Variants in POFUT1 observed in about 807,000 individuals in gnomAD.
POFUT1 encodes protein O-fucosyltransferase 1, also known as GDP-fucose protein O-fucosyltransferase 1.
POFUT1 carries 16 observed loss-of-function variants against 42.4 expected under a neutral mutation model. The observed-to-expected ratio is 0.38, with a 90% CI of 0.26 to 0.57. The LOEUF (loss-of-function observed/expected upper bound fraction) is 0.57, where lower values mean the gene tolerates loss of function less well. Ranked by LOEUF, POFUT1 falls within the 20% of genes least tolerant of loss-of-function variation. POFUT1 has a pLI of 0.71. For synonymous variants in POFUT1, 206 were observed against 205.4 expected (o/e 1.00, Z -0.03); for missense variants, 470 against 504.6 (o/e 0.93, Z 0.66).
chr20:32,220,379 C>G (rs1174969483), intron 4 of POFUT1, among the ~76,000 whole-genome samples: 2 of 152,158 alleles, frequency 1.3e-5, no homozygotes, highest in African/African-American at 2.4e-5. Context: ...AATTATCCTG[C>G]CTTGGCCTCC....
chr20:32,224,750 TCA>T (rs763385083), intron 4 of POFUT1, among the ~76,000 whole-genome samples: 1 of 152,198 alleles, frequency 6.6e-6, no homozygotes, highest in Non-Finnish European at 1.5e-5. Context: ...GGCATGTCTG[TCA>T]CAGCACTGTT....
At chr20:32,213,214 G>T (rs1018109370) in intron 2 of POFUT1, among the ~76,000 whole-genome samples, 1 of 152,106 alleles carries the variant, frequency 6.6e-6, no homozygotes. Flanking sequence ...AGAAAAATAT[G>T]CCAGGCGCAG....
In POFUT1 at chr20:32,217,597, G is replaced by T. The variant is rs548474548; in HGVS notation, c.542+876G>T. ...CCTGCACTCCAGCCCAGGTTACAGA[G>T]CAAGGGCCTGTCTCAGCAAAACAAA... is the stretch of plus-strand genomic sequence containing the variant. On this transcript the variant is annotated intron_variant, in intron 4 of 6. Transcript: ENST00000375749. 49 of 986,080 alleles carry T rather than the reference G, an allele frequency of 5.0e-5. No homozygotes were observed. In the African/African-American group the frequency reaches 6.8e-4, roughly 14 times the overall value. The allele number at this position is 986,080 out of a possible 1,614,324, so 61.1% of individuals were successfully genotyped here. A position where few individuals can be genotyped will look rare whatever the true frequency, so the allele number is the denominator to read the frequency against.
At chr20:32,230,563 C>T (rs574612403) in intron 5 of POFUT1, among the ~76,000 whole-genome samples, 24 of 144,944 alleles carry the variant, frequency 1.7e-4, no homozygotes, top group Non-Finnish European at 2.9e-4. Context: ...GGCATGGTGG[C>T]GGGTGCCTGT....
rs769999612 is a variant in POFUT1 at position 32,228,388 on chromosome 20, A to G, written c.668A>G (p.Glu223Gly). The change falls in exon 5 of 7, where the codon GAG (glutamate) becomes GGG (glycine). Residue 223 changes from glutamate (E) to glycine (G), a missense_variant. Coordinates refer to ENST00000375749, the MANE Select transcript of POFUT1 (RefSeq NM_015352.2). ...VWSDEMVKTG[E>G]AQIHAHLVRP... Reference sequence around the variant, plus strand: ...TCAGACGAAATGGTGAAGACGGGAGAGGCCCAGATTCATGCCCACCTTGTC... The same window carrying G: ...TCAGACGAAATGGTGAAGACGGGAGGGGCCCAGATTCATGCCCACCTTGTC... The G allele has an allele frequency of 6.2e-6, 10 of 1,614,116 alleles. No homozygotes were observed. The highest frequency in any genetic ancestry group is 6.8e-6 in the Non-Finnish European group (8 of 1,180,042).
Position 32,237,942 on chromosome 20 carries a change from T to C in POFUT1, c.*3281T>C. On this transcript the variant is annotated 3_prime_UTR_variant, in exon 7 of 7. Transcript: ENST00000375749. ...TCAGTCTTTTTCAAAGATACAAATATTTACATAGTTTTAATCATGTAATAT... is the reference window on the plus strand; with the variant it reads ...TCAGTCTTTTTCAAAGATACAAATACTTACATAGTTTTAATCATGTAATAT... The C allele has an allele frequency of 2.3e-6, 1 of 440,444 alleles. No individual in the cohort carries two copies. The allele number at this position is 440,444 out of a possible 1,614,324, so 27.3% of individuals were successfully genotyped here.
intron 2 of POFUT1, among the ~76,000 whole-genome samples, chr20:32,214,817 A>T (rs1211621769): frequency 1.3e-5 from 2 of 152,182 alleles, no homozygotes; most frequent in East Asian, 3.9e-4. Context: ...TAGCCTGTCT[A>T]TCCTAGCTTT....
At chr20:32,225,272 C>T (rs1310062615) in intron 4 of POFUT1, among the ~76,000 whole-genome samples, 1 of 151,996 alleles carries the variant, frequency 6.6e-6, no homozygotes, top group African/African-American at 2.4e-5. Context: ...TCACTGCAAG[C>T]TCTGTCTCAC....
intron 6 of POFUT1, chr20:32,231,475 A>G (rs1047637020): frequency 7.4e-6 from 2 of 270,684 alleles, no homozygotes; most frequent in Admixed American, 4.9e-5. Context: ...ACCCTGCCTT[A>G]CCATCACCAG....
chr20:32,216,721 G>A lies in POFUT1; in HGVS notation c.542G>A (p.Arg181Lys). Residue 181 changes from arginine (R) to lysine (K), a missense_variant and splice_region_variant, in exon 4 of 7, where the codon AGA becomes AAA. Physicochemically the swap from Arg to Lys is conservative, Grantham distance 26. Transcript: ENST00000375749. ...SASYREQWSQ[R>K]FSPKEHPVLA... is the part of the protein sequence containing the mutation. ...TCCTACAGAGAACAATGGAGCCAGA[G>A]GTACTTGGAGGGGGTAGCGTTTCTG... 1.3e-6 allele frequency: 2 copies of A among 1,594,610 alleles called. No individual in the cohort carries two copies. Among genetic ancestry groups the A allele is most frequent in the Non-Finnish European group, 1.7e-6 (2 of 1,162,258 alleles).
chr20:32,215,369 A>T lies in POFUT1; in HGVS notation c.347A>T (p.His116Leu). The change falls in exon 3 of 7, where the codon CAC becomes CTC. Residue 116 changes from histidine to leucine, a missense_variant. Coordinates refer to ENST00000375749, the MANE Select transcript of POFUT1 (RefSeq NM_015352.2). ...EDFMEKLAPT[H>L]WPPEKRVAYC... ...TTCATGGAGAAGCTGGCACCCACCC[A>T]CTGGCCCCCTGAGAAGCGGGTGGCA... 3 of 1,613,982 alleles carry T rather than the reference A, an allele frequency of 1.9e-6. No individual in the cohort carries two copies. The highest frequency in any genetic ancestry group is 1.1e-5 in the South Asian group (1 of 91,070).
intron 6 of POFUT1, 109 bp from the exon 7 acceptor site, chr20:32,234,364 C>T (rs933581222): frequency 8.8e-6 from 9 of 1,026,250 alleles, no homozygotes; most frequent in East Asian, 2.5e-5. Context: ...CTTCTCTGCC[C>T]CTCCTTTTGT....
At chr20:32,216,944 G>A (rs2047364568) in intron 4 of POFUT1, 8 of 1,603,674 alleles carry the variant, frequency 5.0e-6, no homozygotes, top group African/African-American at 2.7e-5. Flanking sequence ...GAGTTCATCG[G>A]TTGATAAGGG....
chr20:32,208,480 T>C (rs1317735624), intron 1 of POFUT1, among the ~76,000 whole-genome samples: 1 of 152,038 alleles, frequency 6.6e-6, no homozygotes, highest in East Asian at 1.9e-4. Flanking sequence ...ATAAACTCCG[T>C]GTCCTTGTAG....
chr20:32,217,685 G>A, intron 4 of POFUT1: 2 of 985,524 alleles, frequency 2.0e-6, no homozygotes, highest in Non-Finnish European at 2.4e-6. Context: ...AGTGCATGAA[G>A]TGCATGTCAT....
In POFUT1 at chr20:32,216,916, C is replaced by T. The variant is rs148678212; in HGVS notation, c.542+195C>T. On this transcript the variant is annotated intron_variant, in intron 4 of 6. Coordinates refer to ENST00000375749, the MANE Select transcript of POFUT1 (RefSeq NM_015352.2). ...CGCCTGACACGGTGGAACATTGACC[C>T]GCCATGAGATTGAGAAAGAGTTCAT... The T allele has an allele frequency of 3.0e-5, 47 of 1,577,376 alleles. No individual in the cohort carries two copies. The Middle Eastern group carries it at 8.5e-4, about 29-fold the overall frequency.
At position 32,234,280 on chromosome 20, in the gene POFUT1, G is replaced by A. The variant is rs369014793; in HGVS notation, c.979-193G>A. On this transcript the variant is annotated intron_variant, in intron 6 of 6. Coordinates refer to ENST00000375749, the MANE Select transcript of POFUT1 (RefSeq NM_015352.2). Reference sequence around the variant, plus strand: ...GGTGTGTTTGGAGCTGAGGCTCCTGGAGCCCGGAAGGGTGGGGTGGGCCTA... The same window carrying A: ...GGTGTGTTTGGAGCTGAGGCTCCTGAAGCCCGGAAGGGTGGGGTGGGCCTA... Among the ~76,000 whole-genome samples, 27 of 152,384 alleles carry A rather than the reference G, an allele frequency of 1.8e-4. 1 individual carries two copies. Among genetic ancestry groups the A allele is most frequent in the African/African-American group, 6.3e-4 (26 of 41,596 alleles).
rs1338141354 is a variant in POFUT1 at position 32,236,274 on chromosome 20, A to G, written c.*1613A>G. ...GCTGGCTGATTTCATTTTGGAATTC[A>G]TTTGCCATCCACAGCCTTACACTAG... On this transcript the variant is annotated 3_prime_UTR_variant, in exon 7 of 7. Coordinates refer to ENST00000375749, the MANE Select transcript of POFUT1 (RefSeq NM_015352.2). The G allele has an allele frequency of 6.6e-6, 1 of 152,128 alleles. No individual in the cohort carries two copies. The allele number at this position is 152,128 out of a possible 1,614,324, so 9.4% of individuals were successfully genotyped here. A position where few individuals can be genotyped will look rare whatever the true frequency, so the allele number is the denominator to read the frequency against.
At chr20:32,228,949 C>T (rs2047428841) in intron 5 of POFUT1, among the ~76,000 whole-genome samples, 1 of 152,186 alleles carries the variant, frequency 6.6e-6, no homozygotes, top group Non-Finnish European at 1.5e-5. Flanking sequence ...TAGATGGTCA[C>T]CTTGATTTAC....
Sources: gnomAD v4.1 joint callset for allele counts (sites outside exome capture counted in the v4.1 genomes callset) on GRCh38, gnomAD v4.1.1 for gene constraint, MANE v1.5 for transcripts, NCBI Gene and HGNC (gene_info 2026-07-23, HGNC 2026-07-21) for gene names.